The following GPR158 variants were observed in gnomAD, a reference collection of about 807,000 sequenced individuals.
GPR158 encodes G protein-coupled receptor 158.
In GPR158, 30 loss-of-function variants were observed where a neutral mutation model predicts 78.2. The ratio of observed to expected loss-of-function variants is 0.38; its 90% CI spans 0.29 to 0.52. The LOEUF (loss-of-function observed/expected upper bound fraction) is 0.52. GPR158 is among the 20% of genes least tolerant of loss of function. The pLI is 0.83. For synonymous variants in GPR158, 581 were observed against 591.1 expected (o/e 0.98, Z 0.25); for missense variants, 1,463 against 1,523.5 (o/e 0.96, Z 0.66).
At chr10:25,581,020 G>A (rs1406127189) in intron 7 of GPR158, among the ~76,000 whole-genome samples, 2 of 147,906 alleles carry the variant, frequency 1.4e-5, no homozygotes, top group Admixed American at 6.7e-5. Context: ...CGCTTCCCGG[G>A]TTCACGCCAT....
intron 1 of GPR158, among the ~76,000 whole-genome samples, chr10:25,206,198 A>G (rs997956424): frequency 1.3e-5 from 2 of 152,104 alleles, no homozygotes; most frequent in Non-Finnish European, 2.9e-5. Context: ...CGTGTTAGCC[A>G]GGATGGTCTC....
intron 2 of GPR158, among the ~76,000 whole-genome samples, chr10:25,306,763 C>T (rs1460857920): frequency 6.6e-6 from 1 of 152,140 alleles, no homozygotes; most frequent in Non-Finnish European, 1.5e-5. Flanking sequence ...CTTTATCCCT[C>T]AGATATAATC....
intron 2 of GPR158, among the ~76,000 whole-genome samples, chr10:25,236,991 G>T (rs973026818): frequency 2.6e-5 from 4 of 152,056 alleles, no homozygotes; most frequent in African/African-American, 9.7e-5. Flanking sequence ...TACAGCTGAG[G>T]AAACTGAGAC....
At position 25,460,236 on chromosome 10, in the gene GPR158, C is replaced by A. The variant is rs571987341; in HGVS notation, c.1336-6415C>A. On this transcript the variant is annotated intron_variant, in intron 4 of 10. Coordinates refer to ENST00000376351, the MANE Select transcript of GPR158 (RefSeq NM_020752.3). ...TCTTCTTTTGAGATGGAGTCTTGCTCTGTTGCCAAGGCTGGAGTATAGTAG... is the reference window on the plus strand; with the variant it reads ...TCTTCTTTTGAGATGGAGTCTTGCTATGTTGCCAAGGCTGGAGTATAGTAG... 1.6e-3 allele frequency among the ~76,000 whole-genome samples: 238 copies of A among 148,678 alleles called. 1 individual carries two copies. Among genetic ancestry groups the A allele is most frequent in the Admixed American group, 4.5e-3 (67 of 14,792 alleles).
intron 3 of GPR158, among the ~76,000 whole-genome samples, chr10:25,409,696 A>G (rs543805594): frequency 6.6e-6 from 1 of 152,314 alleles, no homozygotes; most frequent in South Asian, 2.1e-4. Flanking sequence ...TCCAATCATG[A>G]CTTCTCAAAT....
chr10:25,275,224 T>C (rs1854168029), intron 2 of GPR158, among the ~76,000 whole-genome samples: 1 of 152,190 alleles, frequency 6.6e-6, no homozygotes, highest in South Asian at 2.1e-4. Context: ...TTTTTAAAAG[T>C]GTGGTCCAGG....
intron 5 of GPR158, among the ~76,000 whole-genome samples, chr10:25,491,779 C>T (rs1336135966): frequency 6.6e-6 from 1 of 151,686 alleles, no homozygotes; most frequent in Non-Finnish European, 1.5e-5. Flanking sequence ...TATATCTGTT[C>T]TTTATATCAC....
intron 2 of GPR158, among the ~76,000 whole-genome samples, chr10:25,356,007 A>G (rs61261208): frequency 0.1 from 15,165 of 152,084 alleles, 1,873 homozygotes; most frequent in African/African-American, 0.3. Flanking sequence ...TCTCTTCCTC[A>G]GGAACTCCCA....
At chr10:25,380,938 G>T (rs924320594) in intron 2 of GPR158, among the ~76,000 whole-genome samples, 1 of 152,152 alleles carries the variant, frequency 6.6e-6, no homozygotes, top group African/African-American at 2.4e-5. Context: ...TTCTAATCTG[G>T]GCTTCTGCAG....
intron 5 of GPR158, among the ~76,000 whole-genome samples, chr10:25,505,719 T>C (rs955194535): frequency 6.6e-6 from 1 of 152,182 alleles, no homozygotes; most frequent in African/African-American, 2.4e-5. Context: ...GGAAATCTGA[T>C]AGTGCTTGTG....
intron 2 of GPR158, among the ~76,000 whole-genome samples, chr10:25,270,590 G>A (rs773474098): frequency 2.5e-4 from 38 of 152,042 alleles, no homozygotes; most frequent in Non-Finnish European, 4.6e-4. Context: ...TGCTCCAACC[G>A]AGTCCTCCTC....
chr10:25,533,563 G>A (rs1028924578), intron 5 of GPR158, among the ~76,000 whole-genome samples: 2 of 151,846 alleles, frequency 1.3e-5, no homozygotes, highest in Non-Finnish European at 2.9e-5. Flanking sequence ...TGAATTATTC[G>A]GTTTAAAACA....
chr10:25,206,188 C>T (rs999022591), intron 1 of GPR158, among the ~76,000 whole-genome samples: 3 of 152,096 alleles, frequency 2.0e-5, no homozygotes, highest in Admixed American at 1.3e-4. Context: ...GGGGTTTCAC[C>T]GTGTTAGCCA....
chr10:25,400,237 A>G (rs1209814977), intron 3 of GPR158, among the ~76,000 whole-genome samples: 1 of 152,202 alleles, frequency 6.6e-6, no homozygotes, highest in Non-Finnish European at 1.5e-5. Flanking sequence ...GAAAGGATAT[A>G]GAGCAAAGAT....
rs369991354 is a variant in GPR158 at position 25,421,477 on chromosome 10, T to C, written c.1335+9004T>C. ...ATTTCTTGTACCTTTAGTCCACCTA[T>C]AGAGGTACTGTAGAAGTTCCTTACT... On this transcript the variant is annotated intron_variant, in intron 4 of 10. Transcript: ENST00000376351. Among the ~76,000 whole-genome samples, 12 of 152,264 alleles carry C rather than the reference T, an allele frequency of 7.9e-5. No individual in the cohort carries two copies. The South Asian group carries it at 2.3e-3, about 29-fold the overall frequency.
At chr10:25,587,925 G>T (rs1055768168) in intron 7 of GPR158, among the ~76,000 whole-genome samples, 1 of 152,118 alleles carries the variant, frequency 6.6e-6, no homozygotes, top group African/African-American at 2.4e-5. Context: ...TTACAAGAAA[G>T]TTCCATCTAG....
intron 4 of GPR158, among the ~76,000 whole-genome samples, chr10:25,420,123 T>G (rs776258694): frequency 6.6e-6 from 1 of 152,182 alleles, no homozygotes; most frequent in African/African-American, 2.4e-5. Context: ...TTTTACTTTC[T>G]TAATAGGGTC....
At chr10:25,419,204 A>G (rs1022788291) in intron 4 of GPR158, among the ~76,000 whole-genome samples, 2 of 152,006 alleles carry the variant, frequency 1.3e-5, no homozygotes, top group Admixed American at 6.6e-5. Flanking sequence ...TGTTGCTACA[A>G]ATTTGCCTAT....
intron 6 of GPR158, among the ~76,000 whole-genome samples, chr10:25,560,467 A>G (rs191916104): frequency 0.015 from 2,303 of 152,094 alleles, 26 homozygotes; most frequent in Admixed American, 0.021. Context: ...GGGTTTCACC[A>G]TGTTAGCCAG....
Sources: allele counts gnomAD v4.1 joint callset (sites outside exome capture counted in the v4.1 genomes callset), GRCh38; gene constraint gnomAD v4.1.1; transcripts MANE v1.5; gene names NCBI Gene and HGNC (gene_info 2026-07-23, HGNC 2026-07-21).